The following YY1 variants were observed in gnomAD, a reference collection of about 807,000 sequenced individuals.
YY1 encodes YY1 transcription factor.
In YY1, 2 loss-of-function variants were observed where a neutral mutation model predicts 35.6. The observed-to-expected ratio is 0.06, with a 90% CI of 0.02 to 0.18. The LOEUF is 0.18. Among genes scored for constraint, YY1 ranks in the 10% least tolerant of loss-of-function variants. YY1 has a pLI of 1.00. For synonymous variants in YY1, 268 were observed against 238.9 expected, an observed-to-expected ratio of 1.12 and a Z score of -1.12; for missense variants, 322 against 573.4, an observed-to-expected ratio of 0.56 and a Z score of 4.48.
In YY1 at chr14:100,277,757, A is replaced by T. The variant is rs533573122; in HGVS notation, c.*157A>T. ...ATGTTTTGATAAAGTAGTAAAAATTAAAAAAAAAAAACTTTACTAAGATGA... is the reference window on the plus strand; with the variant it reads ...ATGTTTTGATAAAGTAGTAAAAATTTAAAAAAAAAAACTTTACTAAGATGA... On this transcript the variant is annotated 3_prime_UTR_variant, in exon 5 of 5. Transcript: ENST00000262238. This position sits in a 1 kb window ranked among gnomAD's most constrained non-coding sequence, Gnocchi z 5.6. 4.1e-5 allele frequency: 23 copies of T among 562,830 alleles called. No homozygotes were observed. Among genetic ancestry groups the T allele is most frequent in the East Asian group, 1.6e-4 (4 of 25,280 alleles). The allele number at this position is 562,830 out of a possible 1,614,324, so 34.9% of individuals were successfully genotyped here.
At chr14:100,257,435 G>T (rs1294074790) in intron 1 of YY1, among the ~76,000 whole-genome samples, 2 of 152,150 alleles carry the variant, frequency 1.3e-5, no homozygotes, top group Admixed American at 6.5e-5. Flanking sequence ...GCCCTCTGGG[G>T]TAGACTGCAT....
rs1203671028 is a variant in YY1 at position 100,281,732 on chromosome 14, A to T, written c.*4132A>T. The T allele has an allele frequency of 6.6e-6, 1 of 152,120 alleles. No individual in the cohort carries two copies. The highest frequency in any genetic ancestry group is 1.5e-5 in the Non-Finnish European group (1 of 68,060). 9.4% of individuals were successfully genotyped at this position (152,120 alleles called of 1,614,324 possible). A position where few individuals can be genotyped will look rare whatever the true frequency, so the allele number is the denominator to read the frequency against. On this transcript the variant is annotated 3_prime_UTR_variant, in exon 5 of 5. Coordinates refer to ENST00000262238, the MANE Select transcript of YY1 (RefSeq NM_003403.5). ...GCTGGCTAGGTCTCATCCACCCCAA[A>T]TTACTGACCCTTGATTTATGTTGTT... is the stretch of plus-strand genomic sequence containing the variant.
intron 2 of YY1, among the ~76,000 whole-genome samples, chr14:100,268,145 G>T (rs1000700660): frequency 6.6e-6 from 1 of 152,232 alleles, no homozygotes; most frequent in Non-Finnish European, 1.5e-5. Context: ...AGCCGCAGCT[G>T]TTGGCTTAAG....
Position 100,277,008 on chromosome 14 carries a change from T to C in YY1, c.1062+360T>C. Reference sequence around the variant, plus strand: ...AGTATAATTACTAACTGATAAAGTTTCTAGAGTGTAAGTATAGGTAATACT... The same window carrying C: ...AGTATAATTACTAACTGATAAAGTTCCTAGAGTGTAAGTATAGGTAATACT... On this transcript the variant is annotated intron_variant, in intron 4 of 4. Transcript: ENST00000262238. The surrounding 1 kb of genome is among the most constrained non-coding windows in gnomAD (Gnocchi z 5.6). 2.4e-6 allele frequency: 1 copy of C among 409,208 alleles called. No individual in the cohort carries two copies. The highest frequency in any genetic ancestry group is 4.5e-6 in the Non-Finnish European group (1 of 221,122). The allele number at this position is 409,208 out of a possible 1,614,324, so 25.3% of individuals were successfully genotyped here.
At chr14:100,256,117 G>C (rs1287508755) in intron 1 of YY1, among the ~76,000 whole-genome samples, 2 of 151,472 alleles carry the variant, frequency 1.3e-5, no homozygotes, top group Non-Finnish European at 2.9e-5. Context: ...ACTCTAGTCT[G>C]GTCAACAGAG....
rs1595309901 is a variant in YY1 at position 100,239,867 on chromosome 14, A to G, written c.623A>G (p.Lys208Arg). 1.3e-6 allele frequency: 2 copies of G among 1,525,348 alleles called. No individual in the cohort carries two copies. Among genetic ancestry groups the G allele is most frequent in the Non-Finnish European group, 1.8e-6 (2 of 1,139,976 alleles). 94.5% of individuals were successfully genotyped at this position (1,525,348 alleles called of 1,614,324 possible). A position where few individuals can be genotyped will look rare whatever the true frequency, so the allele number is the denominator to read the frequency against. ...ADPGNKKWEQ[K>R]QVQIKTLEGE... is the part of the protein sequence containing the mutation. ...CCGGGCAACAAGAAGTGGGAGCAGA[A>G]GCAGGTGCAGATCAAGACCCTGGAG... The change falls in exon 1 of 5, where the codon AAG becomes AGG. Residue 208 changes from lysine to arginine, a missense_variant. Physicochemically the swap from Lys to Arg is conservative, Grantham distance 26. Around this residue, in one of 4 missense-constraint regions of YY1, gnomAD observed 152 missense variants for 167.1 expected, o/e 0.91. Transcript: ENST00000262238.
rs1194991832 is a variant in YY1 at position 100,279,893 on chromosome 14, G to C, written c.*2293G>C. ...CCGAGAGCCATGCCATGGCCTGCAG[G>C]AGCCAGGCTCCTGTGTGGATGAAGT... On this transcript the variant is annotated 3_prime_UTR_variant, in exon 5 of 5. Transcript: ENST00000262238. 1.3e-5 allele frequency: 2 copies of C among 152,348 alleles called. No homozygotes were observed. The highest frequency in any genetic ancestry group is 2.9e-5 in the Non-Finnish European group (2 of 68,150). The allele number at this position is 152,348 out of a possible 1,614,324, so 9.4% of individuals were successfully genotyped here.
chr14:100,272,811 T>C (rs1204416241), intron 2 of YY1, among the ~76,000 whole-genome samples: 2 of 152,144 alleles, frequency 1.3e-5, no homozygotes, highest in Non-Finnish European at 2.9e-5. Context: ...ACACCATTCT[T>C]TCCCTACTAA....
chr14:100,256,686 G>A (rs546890979), intron 1 of YY1, among the ~76,000 whole-genome samples: 1 of 152,316 alleles, frequency 6.6e-6, no homozygotes, highest in Non-Finnish European at 1.5e-5. Context: ...AGCAGGTGCT[G>A]AGGGGAAGTG....
At chr14:100,248,295 G>A (rs892894282) in intron 1 of YY1, among the ~76,000 whole-genome samples, 3 of 151,158 alleles carry the variant, frequency 2.0e-5, no homozygotes, top group Non-Finnish European at 3.0e-5. Context: ...TTTTTTCTTT[G>A]TATTTTTTAG....
rs1235072095 is a variant in YY1, at chr14:100,282,351, C to G, written c.*4751C>G. 6.6e-6 allele frequency: 1 copy of G among 152,042 alleles called. No individual in the cohort carries two copies. The highest frequency in any genetic ancestry group is 2.4e-5 in the African/African-American group (1 of 41,386). The allele number at this position is 152,042 out of a possible 1,614,324, so 9.4% of individuals were successfully genotyped here. A position where few individuals can be genotyped will look rare whatever the true frequency, so the allele number is the denominator to read the frequency against. On this transcript the variant is annotated 3_prime_UTR_variant, in exon 5 of 5. Coordinates refer to ENST00000262238, the MANE Select transcript of YY1 (RefSeq NM_003403.5). ...TGAGGAGGGGGCAGTTTGCTGTGCT[C>G]TGTTCTGTCTGCTGCTCTCTCTGGG...
At chr14:100,273,684 T>C (rs999913904) in intron 2 of YY1, among the ~76,000 whole-genome samples, 4 of 152,128 alleles carry the variant, frequency 2.6e-5, no homozygotes, top group Non-Finnish European at 5.9e-5. Flanking sequence ...ATTTATTAAA[T>C]ATGAACCATC....
chr14:100,257,911 G>T (rs986022314), intron 1 of YY1, among the ~76,000 whole-genome samples: 12 of 152,260 alleles, frequency 7.9e-5, no homozygotes, highest in Non-Finnish European at 1.6e-4. Flanking sequence ...GGCCAAGGCG[G>T]ATTGCTTCAG....
chr14:100,244,783 A>G (rs1890806707), intron 1 of YY1, among the ~76,000 whole-genome samples: 1 of 151,920 alleles, frequency 6.6e-6, no homozygotes, highest in Admixed American at 6.6e-5. Flanking sequence ...GCTGGTGTCA[A>G]ACTCCTGGGC....
At chr14:100,255,450 C>T (rs1183949520) in intron 1 of YY1, among the ~76,000 whole-genome samples, 1 of 151,964 alleles carries the variant, frequency 6.6e-6, no homozygotes, top group Non-Finnish European at 1.5e-5. Context: ...GAAACCCCAT[C>T]TCTGCTAAAA....
In YY1 at chr14:100,281,645, G is replaced by C. The variant is rs1409681965; in HGVS notation, c.*4045G>C. 1 of 151,970 alleles carries C rather than the reference G, an allele frequency of 6.6e-6. No individual in the cohort carries two copies. 9.4% of individuals were successfully genotyped at this position (151,970 alleles called of 1,614,324 possible). A position where few individuals can be genotyped will look rare whatever the true frequency, so the allele number is the denominator to read the frequency against. Reference sequence around the variant, plus strand: ...CTTAGCCTTCTCTCTGACTTTACAGGACAAAAGGTACCCCACGCCTTCAGA... The same window carrying C: ...CTTAGCCTTCTCTCTGACTTTACAGCACAAAAGGTACCCCACGCCTTCAGA... On this transcript the variant is annotated 3_prime_UTR_variant, in exon 5 of 5. Coordinates refer to ENST00000262238, the MANE Select transcript of YY1 (RefSeq NM_003403.5).
intron 1 of YY1, among the ~76,000 whole-genome samples, chr14:100,257,506 G>A (rs1344718809): frequency 6.6e-6 from 1 of 152,180 alleles, no homozygotes; most frequent in African/African-American, 2.4e-5. Context: ...TGGTATTAGA[G>A]GGTAGGTCCT....
chr14:100,252,013 A>T (rs1890932177), intron 1 of YY1, among the ~76,000 whole-genome samples: 1 of 152,140 alleles, frequency 6.6e-6, no homozygotes, highest in Non-Finnish European at 1.5e-5. Flanking sequence ...AAAGGAAGAG[A>T]TCTTAATTTG....
intron 1 of YY1, among the ~76,000 whole-genome samples, chr14:100,250,855 AAAG>A (rs1382118991): frequency 6.6e-6 from 1 of 151,626 alleles, no homozygotes; most frequent in Non-Finnish European, 1.5e-5. Context: ...AAAAAAAAAA[AAAG>A]GCCAGGCATG....
Sources: gnomAD v4.1 joint callset for allele counts (sites outside exome capture counted in the v4.1 genomes callset) on GRCh38, gnomAD v4.1.1 for gene constraint, gnomAD v4.1.1 regional missense constraint, Gnocchi (gnomAD v3.1) non-coding constraint, MANE v1.5 for transcripts, NCBI Gene and HGNC (gene_info 2026-07-23, HGNC 2026-07-21) for gene names.